Variants in AMPH observed in about 807,000 individuals in gnomAD.
AMPH encodes the protein amphiphysin (Stiff-Mann syndrome with breast cancer 128kD autoantigen).
In AMPH, 49 loss-of-function variants were observed where a neutral mutation model predicts 99.1. The observed-to-expected ratio is 0.49, with a 90% CI of 0.39 to 0.63. The LOEUF (loss-of-function observed/expected upper bound fraction) is 0.63, where lower values mean the gene tolerates loss of function less well. Ranked by LOEUF, AMPH falls within the 20% of genes least tolerant of loss-of-function variation. The pLI is 0.00. For synonymous variants in AMPH, 314 were observed against 317.3 expected, an observed-to-expected ratio of 0.99 and a Z score of 0.11; for missense variants, 759 against 863.4, an observed-to-expected ratio of 0.88 and a Z score of 1.52.
rs866926173 is a variant in AMPH, at chr7:38,492,980, C to T, written c.300+1453G>A. Reference sequence around the variant, plus strand: ...AGATGCAATTACTTAATAATTGCATCTGAAAGTAATGTGTGCGGTCTGCTT... The same window carrying T: ...AGATGCAATTACTTAATAATTGCATTTGAAAGTAATGTGTGCGGTCTGCTT... On this transcript the variant is annotated intron_variant, in intron 4 of 20. Transcript: ENST00000356264. 4.6e-5 allele frequency among the ~76,000 whole-genome samples: 7 copies of T among 152,236 alleles called. No individual in the cohort carries two copies. In the South Asian group the frequency reaches 1.2e-3, roughly 27 times the overall value.
At chr7:38,452,773 C>T (rs183564940) in intron 11 of AMPH, among the ~76,000 whole-genome samples, 1 of 152,336 alleles carries the variant, frequency 6.6e-6, no homozygotes, top group Non-Finnish European at 1.5e-5. Flanking sequence ...CCAACACCAG[C>T]AGCATTAGCA....
chr7:38,557,774 A>G (rs1282958100), intron 1 of AMPH, among the ~76,000 whole-genome samples: 1 of 152,158 alleles, frequency 6.6e-6, no homozygotes, highest in Non-Finnish European at 1.5e-5. Flanking sequence ...AAAAAATTGA[A>G]TAAAATAATT....
intron 5 of AMPH, among the ~76,000 whole-genome samples, chr7:38,486,187 TAAC>T (rs1044946498): frequency 1.5e-4 from 22 of 149,422 alleles, no homozygotes; most frequent in African/African-American, 5.4e-4. Flanking sequence ...CAGATAAAAT[TAAC>T]AAACTTTTAT....
chr7:38,408,700 A>G (rs6946231), intron 17 of AMPH, among the ~76,000 whole-genome samples: 121,084 of 148,618 alleles, frequency 0.81, 49,444 homozygotes, highest in Middle Eastern at 0.9. Flanking sequence ...GCAGTGAGCC[A>G]AGATTGCGCC....
chr7:38,421,520 A>G (rs1326689573), intron 16 of AMPH, among the ~76,000 whole-genome samples: 1 of 152,254 alleles, frequency 6.6e-6, no homozygotes. Flanking sequence ...CAATCTATTG[A>G]CAAGGTATGA....
At chr7:38,552,904 A>T (rs1791229923) in intron 1 of AMPH, among the ~76,000 whole-genome samples, 1 of 152,200 alleles carries the variant, frequency 6.6e-6, no homozygotes, top group South Asian at 2.1e-4. Context: ...CCTCCCAGAG[A>T]CAAAGATGCA....
chr7:38,547,228 T>C (rs1385058811), intron 1 of AMPH, among the ~76,000 whole-genome samples: 1 of 152,176 alleles, frequency 6.6e-6, no homozygotes, highest in Non-Finnish European at 1.5e-5. Context: ...TGGTTTCCCA[T>C]AACCCTCCCC....
chr7:38,409,297 A>G (rs1285756807), intron 17 of AMPH, among the ~76,000 whole-genome samples: 2 of 152,334 alleles, frequency 1.3e-5, no homozygotes, highest in East Asian at 3.9e-4. Context: ...TTGGCATTTT[A>G]ATGAAAATAC....
At chr7:38,428,882 C>A (rs761889954) in intron 14 of AMPH, 5 of 667,068 alleles carry the variant, frequency 7.5e-6, no homozygotes, top group Non-Finnish European at 9.5e-6. Context: ...TTTCCTTATA[C>A]CCTGCTCTTA....
intron 2 of AMPH, among the ~76,000 whole-genome samples, chr7:38,517,847 T>A (rs1262796382): frequency 6.6e-6 from 1 of 152,144 alleles, no homozygotes; most frequent in Non-Finnish European, 1.5e-5. Context: ...TTAAAGAGAT[T>A]AATATGAACA....
Position 38,392,011 on chromosome 7 carries a change from CCTT to C in AMPH, c.1612_1614del (p.Lys538del), listed in dbSNP as rs1185063868. 1 of 1,604,982 alleles carries C rather than the reference CCTT, an allele frequency of 6.2e-7. No individual in the cohort carries two copies. The highest frequency in any genetic ancestry group is 1.7e-5 in the Admixed American group (1 of 60,000). On this transcript the variant is annotated inframe_deletion, in exon 19 of 21. Transcript: ENST00000356264. ...GGCTCTATGACCACCGAAGGAATGA[CCTT>C]CTCCTGGGGGAAGAAAAACCGTGGC...
intron 1 of AMPH, among the ~76,000 whole-genome samples, chr7:38,630,230 T>C (rs1794407791): frequency 6.6e-6 from 1 of 152,176 alleles, no homozygotes; most frequent in Admixed American, 6.5e-5. Flanking sequence ...ATCATGGGGC[T>C]CATTAGCCGG....
At chr7:38,537,957 C>T (rs1319778080) in intron 1 of AMPH, among the ~76,000 whole-genome samples, 1 of 152,162 alleles carries the variant, frequency 6.6e-6, no homozygotes, top group Non-Finnish European at 1.5e-5. Context: ...GCACAGCCAT[C>T]CTCAAACACT....
At chr7:38,562,769 A>T (rs915687214) in intron 1 of AMPH, among the ~76,000 whole-genome samples, 5 of 152,236 alleles carry the variant, frequency 3.3e-5, no homozygotes, top group Non-Finnish European at 5.9e-5. Context: ...CATTATTAAG[A>T]ATATTGCAGC....
In AMPH at chr7:38,561,967, G is replaced by GTT. The variant is rs546827916; in HGVS notation, c.70-26958_70-26957dup. On this transcript the variant is annotated intron_variant, in intron 1 of 20. Coordinates refer to ENST00000356264, the MANE Select transcript of AMPH (RefSeq NM_001635.4). ...GTTACTTAAACCACCCAGTCTATAT[G>GTT]TTTTTTTTTTTTTGTTATGGCAGCC... 5.5e-3 allele frequency among the ~76,000 whole-genome samples: 784 copies of GTT among 143,686 alleles called. 9 individuals carry two copies. Among genetic ancestry groups the GTT allele is most frequent in the African/African-American group, 0.019 (736 of 39,196 alleles). 94.3% of individuals were successfully genotyped at this position (143,686 alleles called of 152,430 possible). A position where few individuals can be genotyped will look rare whatever the true frequency, so the allele number is the denominator to read the frequency against.
At chr7:38,444,573 C>T (rs1236924067) in intron 11 of AMPH, among the ~76,000 whole-genome samples, 1 of 152,020 alleles carries the variant, frequency 6.6e-6, no homozygotes, top group Non-Finnish European at 1.5e-5. Flanking sequence ...CAAGGAACCC[C>T]AAGGACTTTC....
At chr7:38,602,536 C>T (rs532156062) in intron 1 of AMPH, among the ~76,000 whole-genome samples, 1 of 152,282 alleles carries the variant, frequency 6.6e-6, no homozygotes, top group South Asian at 2.1e-4. Context: ...GCTTCATGGT[C>T]GCATCTCCTT....
chr7:38,570,803 T>A (rs1013796375), intron 1 of AMPH, among the ~76,000 whole-genome samples: 3 of 148,490 alleles, frequency 2.0e-5, no homozygotes, highest in Non-Finnish European at 3.0e-5. Context: ...GCTGCATGTA[T>A]GTTAGTGCCC....
chr7:38,415,782 A>AT, intron 17 of AMPH, among the ~76,000 whole-genome samples: 1 of 151,888 alleles, frequency 6.6e-6, no homozygotes, highest in African/African-American at 2.4e-5. Context: ...ATGAACTTGA[A>AT]TTTTTTCTCT....
Sources: gnomAD v4.1 joint callset for allele counts (sites outside exome capture counted in the v4.1 genomes callset) on GRCh38, gnomAD v4.1.1 for gene constraint, MANE v1.5 for transcripts, NCBI Gene and HGNC (gene_info 2026-07-23, HGNC 2026-07-21) for gene names.